The following L3MBTL3 variants were observed in gnomAD, a reference collection of about 807,000 sequenced individuals.
The protein encoded by L3MBTL3 is L3MBTL histone methyl-lysine binding protein 3, also known as lethal(3)malignant brain tumor-like protein 3.
Under a neutral mutation model 102.3 loss-of-function variants are expected in L3MBTL3, and 27 were observed. That is an observed-to-expected ratio of 0.26 (90% confidence interval 0.19 to 0.36). The LOEUF (loss-of-function observed/expected upper bound fraction) is 0.36. Ranked by LOEUF, L3MBTL3 falls within the 10% of genes least tolerant of loss-of-function variation. The pLI is 1.00. For synonymous variants in L3MBTL3, 340 were observed against 320.9 expected (o/e 1.06, Z -0.64); for missense variants, 798 against 955.3 (o/e 0.84, Z 2.17).
intron 9 of L3MBTL3, among the ~76,000 whole-genome samples, chr6:130,058,195 A>G (rs1026201375): frequency 1.5e-4 from 23 of 151,492 alleles, no homozygotes; most frequent in African/African-American, 4.6e-4. Context: ...TACGATTTAC[A>G]TATTATCACA....
chr6:130,075,400 T>G (rs13209890), intron 13 of L3MBTL3, among the ~76,000 whole-genome samples: 40,571 of 151,878 alleles, frequency 0.27, 6,048 homozygotes, highest in African/African-American at 0.37. Context: ...GGAAAGCACT[T>G]CCTTGTGTTT....
At chr6:130,024,442 A>G (rs1043767079) in intron 2 of L3MBTL3, among the ~76,000 whole-genome samples, 4 of 152,192 alleles carry the variant, frequency 2.6e-5, no homozygotes, top group Non-Finnish European at 5.9e-5. Flanking sequence ...TGTTCTAAGA[A>G]TCCAAAAACC....
intron 11 of L3MBTL3, among the ~76,000 whole-genome samples, chr6:130,066,776 C>G (rs188240804): frequency 4.6e-5 from 7 of 152,266 alleles, no homozygotes; most frequent in Admixed American, 3.9e-4. Context: ...TTATTAAATA[C>G]ATACATCTTT....
intron 2 of L3MBTL3, among the ~76,000 whole-genome samples, chr6:130,030,014 A>G (rs532989513): frequency 9.8e-4 from 149 of 152,142 alleles, no homozygotes; most frequent in Non-Finnish European, 1.2e-3. Flanking sequence ...AGTCACCACC[A>G]CACCCAGCTA....
intron 3 of L3MBTL3, among the ~76,000 whole-genome samples, chr6:130,046,991 A>C (rs191317641): frequency 1.3e-5 from 2 of 152,370 alleles, no homozygotes; most frequent in African/African-American, 4.8e-5. Context: ...CCAAATTGAG[A>C]AATCAGAGAA....
At chr6:130,125,814 T>C (rs1035407553) in intron 20 of L3MBTL3, among the ~76,000 whole-genome samples, 1 of 152,118 alleles carries the variant, frequency 6.6e-6, no homozygotes, top group Non-Finnish European at 1.5e-5. Flanking sequence ...CCACCCTAAG[T>C]TGCTTTACAA....
intron 8 of L3MBTL3, 59 bp downstream of exon 8, chr6:130,055,314 C>G (rs1781397253): frequency 2.2e-6 from 3 of 1,343,898 alleles, no homozygotes; most frequent in African/African-American, 2.9e-5. Context: ...ATGGTTCACA[C>G]AGGTGGAAAT....
At chr6:130,107,525 T>C (rs933723843) in intron 19 of L3MBTL3, among the ~76,000 whole-genome samples, 1 of 152,168 alleles carries the variant, frequency 6.6e-6, no homozygotes, top group African/African-American at 2.4e-5. Context: ...ATAATTCCTG[T>C]AAAGTGTCTA....
intron 22 of L3MBTL3, among the ~76,000 whole-genome samples, chr6:130,138,743 C>G (rs914733082): frequency 2.7e-5 from 4 of 150,266 alleles, no homozygotes; most frequent in African/African-American, 9.7e-5. Context: ...ACTTTTTGTA[C>G]AAGGTGGGAA....
intron 13 of L3MBTL3, among the ~76,000 whole-genome samples, chr6:130,077,828 C>T (rs1022598718): frequency 2.0e-5 from 3 of 152,102 alleles, no homozygotes; most frequent in African/African-American, 7.2e-5. Context: ...GACTGGACTC[C>T]TTGGCATCTT....
intron 13 of L3MBTL3, among the ~76,000 whole-genome samples, chr6:130,074,760 A>G (rs1782848514): frequency 6.6e-6 from 1 of 152,210 alleles, no homozygotes; most frequent in Non-Finnish European, 1.5e-5. Flanking sequence ...TAAATGAATG[A>G]GGTTGCAGCT....
At chr6:130,027,092 A>G (rs1052167795) in intron 2 of L3MBTL3, among the ~76,000 whole-genome samples, 2 of 152,266 alleles carry the variant, frequency 1.3e-5, no homozygotes, top group South Asian at 4.1e-4. Flanking sequence ...AAATGAGGTG[A>G]AGAGTCTATT....
chr6:130,065,826 T>G (rs9375703), intron 10 of L3MBTL3, among the ~76,000 whole-genome samples: 81,445 of 151,990 alleles, frequency 0.54, 25,432 homozygotes, highest in East Asian at 0.76. Context: ...TTACTAGCAT[T>G]CTTAGGAGCC....
At position 130,078,651 on chromosome 6, in the gene L3MBTL3, T is replaced by C. The variant is rs1783109778; in HGVS notation, c.1321+17T>C. On this transcript the variant is annotated intron_variant, in intron 14 of 22. Coordinates refer to ENST00000361794, the MANE Select transcript of L3MBTL3 (RefSeq NM_032438.4). ...CTCCACCAGGTGTGTGTTTTTTTAATGTGGCTAATACTATTCGTAGACTTC... is the reference window on the plus strand; with the variant it reads ...CTCCACCAGGTGTGTGTTTTTTTAACGTGGCTAATACTATTCGTAGACTTC... The C allele has an allele frequency of 6.6e-7, 1 of 1,507,522 alleles. No homozygotes were observed. Among genetic ancestry groups the C allele is most frequent in the Non-Finnish European group, 9.2e-7 (1 of 1,083,990 alleles). The allele number at this position is 1,507,522 out of a possible 1,614,324, so 93.4% of individuals were successfully genotyped here. A position where few individuals can be genotyped will look rare whatever the true frequency, so the allele number is the denominator to read the frequency against.
chr6:130,033,016 C>CT (rs1343647434), intron 2 of L3MBTL3, among the ~76,000 whole-genome samples: 1 of 152,014 alleles, frequency 6.6e-6, no homozygotes, highest in Admixed American at 6.6e-5. Context: ...AAATGAGAGA[C>CT]TGATTTGTCG....
intron 2 of L3MBTL3, among the ~76,000 whole-genome samples, chr6:130,025,060 A>G (rs746310529): frequency 2.6e-5 from 4 of 152,154 alleles, no homozygotes; most frequent in Non-Finnish European, 5.9e-5. Context: ...GTCTAGCAAG[A>G]TGGATTGAGG....
At chr6:130,092,685 C>A in intron 16 of L3MBTL3, 60 bp from the exon 17 acceptor site, 2 of 1,038,390 alleles carry the variant, frequency 1.9e-6, no homozygotes, top group Non-Finnish European at 3.0e-6. Context: ...GTGGGCAGAA[C>A]TTTGACTGTA....
At chr6:130,108,250 T>TTTTTG (rs1785120605) in intron 19 of L3MBTL3, among the ~76,000 whole-genome samples, 4 of 146,990 alleles carry the variant, frequency 2.7e-5, no homozygotes, top group Non-Finnish European at 6.0e-5. Context: ...TTTTTTTTTT[T>TTTTTG]TTTAGATGGA....
At chr6:130,026,735 TA>T in intron 2 of L3MBTL3, among the ~76,000 whole-genome samples, 1 of 152,146 alleles carries the variant, frequency 6.6e-6, no homozygotes, top group Non-Finnish European at 1.5e-5. Flanking sequence ...TGGGCTTACT[TA>T]TATAAAGATT....
Sources: allele counts gnomAD v4.1 joint callset (sites outside exome capture counted in the v4.1 genomes callset), GRCh38; gene constraint gnomAD v4.1.1; transcripts MANE v1.5; gene names NCBI Gene and HGNC (gene_info 2026-07-23, HGNC 2026-07-21).